FHIT: variants seen among roughly 807,000 people sequenced by gnomAD.
The protein encoded by FHIT is fragile histidine triad diadenosine triphosphatase, also known as bis(5'-adenosyl)-triphosphatase.
FHIT carries 19 observed loss-of-function variants against 17.9 expected under a neutral mutation model. The ratio of observed to expected loss-of-function variants is 1.06; its 90% CI spans 0.74 to 1.56. The LOEUF (loss-of-function observed/expected upper bound fraction) is 1.56, where lower values mean the gene tolerates loss of function less well. FHIT is among the 40% of genes most tolerant of loss of function. FHIT has a pLI of 0.00. For missense variants in FHIT, 248 were observed against 189.2 expected (o/e 1.31, Z -1.82); for synonymous variants, 81 against 69.7 (o/e 1.16, Z -0.81).
chr3:60,910,435 G>A (rs1553765580), intron 3 of FHIT, among the ~76,000 whole-genome samples: 1 of 145,678 alleles, frequency 6.9e-6, no homozygotes, highest in Non-Finnish European at 1.5e-5. Context: ...TTTCCCAGAC[G>A]GAGTCTCGCT....
At chr3:60,746,430 G>A (rs1483581068) in intron 4 of FHIT, among the ~76,000 whole-genome samples, 1 of 152,186 alleles carries the variant, frequency 6.6e-6, no homozygotes, top group African/African-American at 2.4e-5. Context: ...ACCACACACA[G>A]GGCTTCAGGA....
intron 7 of FHIT, among the ~76,000 whole-genome samples, chr3:59,953,777 G>T (rs1317527440): frequency 6.6e-6 from 1 of 152,166 alleles, no homozygotes; most frequent in East Asian, 1.9e-4. Flanking sequence ...ATCATTCTGG[G>T]TCAAGCACAC....
At chr3:60,132,471 A>G (rs1180097007) in intron 5 of FHIT, among the ~76,000 whole-genome samples, 1 of 152,202 alleles carries the variant, frequency 6.6e-6, no homozygotes, top group African/African-American at 2.4e-5. Flanking sequence ...GGCTAGCAAA[A>G]GTTAATGGTA....
At chr3:60,668,199 G>A (rs976352150) in intron 4 of FHIT, among the ~76,000 whole-genome samples, 5 of 151,020 alleles carry the variant, frequency 3.3e-5, no homozygotes, top group Non-Finnish European at 7.4e-5. Context: ...CTTTTTTTAC[G>A]TGTTCTGCCT....
chr3:60,910,537 G>C (rs1259860305), intron 3 of FHIT, among the ~76,000 whole-genome samples: 1 of 151,152 alleles, frequency 6.6e-6, no homozygotes, highest in Non-Finnish European at 1.5e-5. Flanking sequence ...TCAGCCTCCC[G>C]AGTAGCTGGG....
rs150247117 is a variant in FHIT at position 60,480,443 on chromosome 3, T to G, written c.103+56417A>C. On this transcript the variant is annotated intron_variant, in intron 5 of 9. Coordinates refer to ENST00000492590, the MANE Select transcript of FHIT (RefSeq NM_002012.4). ...AGTTCCCCAAAGTCTTAACTCATTC[T>G]AGCATTAACACAAAAGTTCACATCC... is the stretch of plus-strand genomic sequence containing the variant. 7.0e-4 allele frequency among the ~76,000 whole-genome samples: 106 copies of G among 152,336 alleles called. 1 individual carries two copies. Among genetic ancestry groups the G allele is most frequent in the African/African-American group, 2.4e-3 (100 of 41,590 alleles).
intron 3 of FHIT, among the ~76,000 whole-genome samples, chr3:60,981,462 T>A (rs574206438): frequency 2.6e-4 from 40 of 151,772 alleles, no homozygotes; most frequent in Middle Eastern, 3.4e-3. Context: ...ACGCCACCAC[T>A]ACCAGCTAAT....
At chr3:60,251,750 CA>C (rs1387386869) in intron 5 of FHIT, among the ~76,000 whole-genome samples, 1 of 152,182 alleles carries the variant, frequency 6.6e-6, no homozygotes, top group African/African-American at 2.4e-5. Flanking sequence ...TTCTTCTACA[CA>C]GCATACCTTT....
intron 5 of FHIT, among the ~76,000 whole-genome samples, chr3:60,187,762 A>G (rs1420678259): frequency 6.6e-6 from 1 of 152,208 alleles, no homozygotes; most frequent in Admixed American, 6.5e-5. Flanking sequence ...TGCTGATTTA[A>G]GAAGAGAATT....
At chr3:59,945,453 C>T (rs1369520296) in intron 7 of FHIT, among the ~76,000 whole-genome samples, 1 of 151,788 alleles carries the variant, frequency 6.6e-6, no homozygotes, top group African/African-American at 2.4e-5. Flanking sequence ...CAAATATTTT[C>T]TCCCATTCTC....
At chr3:60,086,330 G>C (rs1322334076) in intron 5 of FHIT, among the ~76,000 whole-genome samples, 1 of 152,148 alleles carries the variant, frequency 6.6e-6, no homozygotes, top group Non-Finnish European at 1.5e-5. Context: ...TCAACATGTG[G>C]TTTTGAGAAG....
rs1487112395 is a variant in FHIT, at chr3:59,893,838, TG to T, written c.348+28507del. Reference sequence around the variant, plus strand: ...ACTAGGAAGAAACATTAGGTATTGATGGGCAAAGAGTTTTCATCTCAAATGC... The same window carrying T: ...ACTAGGAAGAAACATTAGGTATTGATGGCAAAGAGTTTTCATCTCAAATGC... On this transcript the variant is annotated intron_variant, in intron 8 of 9. Coordinates refer to ENST00000492590, the MANE Select transcript of FHIT (RefSeq NM_002012.4). Among the ~76,000 whole-genome samples, 4 of 152,348 alleles carry T rather than the reference TG, an allele frequency of 2.6e-5. No homozygotes were observed. The South Asian group carries it at 8.3e-4, about 32-fold the overall frequency.
intron 2 of FHIT, among the ~76,000 whole-genome samples, chr3:61,179,019 T>C (rs1267901097): frequency 6.8e-6 from 1 of 148,076 alleles, no homozygotes; most frequent in African/African-American, 2.5e-5. Context: ...TTTTTTTTTT[T>C]TTTTTTTTTG....
intron 1 of FHIT, among the ~76,000 whole-genome samples, chr3:61,231,225 T>C (rs898268687): frequency 6.6e-6 from 1 of 152,240 alleles, no homozygotes; most frequent in Non-Finnish European, 1.5e-5. Flanking sequence ...TTGTGTGCAA[T>C]GGCTCATGCC....
chr3:60,284,439 A>G (rs146978988), intron 5 of FHIT, among the ~76,000 whole-genome samples: 15 of 152,206 alleles, frequency 9.9e-5, no homozygotes, highest in African/African-American at 3.4e-4. Flanking sequence ...CAATTTATCT[A>G]TTGAGTTAAT....
At chr3:60,204,400 G>A (rs181320098) in intron 5 of FHIT, among the ~76,000 whole-genome samples, 11 of 151,918 alleles carry the variant, frequency 7.2e-5, no homozygotes, top group East Asian at 3.9e-4. Context: ...CTTCTGAGTA[G>A]CTGGGATTAC....
intron 4 of FHIT, among the ~76,000 whole-genome samples, chr3:60,750,669 C>G (rs2042447897): frequency 1.3e-5 from 2 of 152,282 alleles, no homozygotes; most frequent in South Asian, 2.1e-4. Context: ...AAACCTCTTT[C>G]TTTTGTAAAT....
At chr3:60,237,111 A>C (rs755550093) in intron 5 of FHIT, among the ~76,000 whole-genome samples, 13 of 152,172 alleles carry the variant, frequency 8.5e-5, no homozygotes, top group Non-Finnish European at 1.0e-4. Context: ...TACAAATCCT[A>C]GATCATATTT....
intron 5 of FHIT, among the ~76,000 whole-genome samples, chr3:60,023,344 TAC>T (rs974053822): frequency 2.6e-5 from 4 of 152,186 alleles, no homozygotes; most frequent in African/African-American, 4.8e-5. Flanking sequence ...CCTCACCATA[TAC>T]ACAGTTTCAT....
Sources: gnomAD v4.1 joint callset for allele counts (sites outside exome capture counted in the v4.1 genomes callset) on GRCh38, gnomAD v4.1.1 for gene constraint, MANE v1.5 for transcripts, NCBI Gene and HGNC (gene_info 2026-07-23, HGNC 2026-07-21) for gene names.